The following GAREM1 variants were observed in gnomAD, a reference collection of about 807,000 sequenced individuals.
GAREM1 encodes GRB2-associated and regulator of MAPK protein 1.
A neutral mutation model predicts 71.3 loss-of-function variants in GAREM1; 26 were observed. The ratio of observed to expected loss-of-function variants is 0.36; its 90% CI spans 0.27 to 0.51. The LOEUF (loss-of-function observed/expected upper bound fraction) is 0.51, where lower values mean the gene tolerates loss of function less well. GAREM1 is among the 20% of genes least tolerant of loss of function. GAREM1 has a pLI of 0.95. For missense variants in GAREM1, 1,026 were observed against 1,103.1 expected (o/e 0.93, Z 0.99); for synonymous variants, 440 against 433.2 (o/e 1.02, Z -0.20).
At chr18:32,468,272 C>T (rs2049016770) in intron 1 of GAREM1, among the ~76,000 whole-genome samples, 1 of 152,076 alleles carries the variant, frequency 6.6e-6, no homozygotes, top group Non-Finnish European at 1.5e-5. Flanking sequence ...TAATAATGTC[C>T]ACAATAGGGG....
At chr18:32,366,682 A>T (rs1486379722) in intron 2 of GAREM1, among the ~76,000 whole-genome samples, 2 of 152,254 alleles carry the variant, frequency 1.3e-5, no homozygotes, top group Admixed American at 6.5e-5. Context: ...AACTCTGGTT[A>T]AAATCATTAA....
chr18:32,274,650 TGC>T (rs1203134711), intron 4 of GAREM1, among the ~76,000 whole-genome samples: 8 of 152,146 alleles, frequency 5.3e-5, no homozygotes, highest in Admixed American at 1.3e-4. Context: ...CGCAGGTCCA[TGC>T]AAAGTGGTGG....
intron 2 of GAREM1, among the ~76,000 whole-genome samples, chr18:32,320,807 A>G (rs2047421352): frequency 6.6e-6 from 1 of 152,228 alleles, no homozygotes; most frequent in Non-Finnish European, 1.5e-5. Flanking sequence ...AAATGGGAAG[A>G]CTGCATTTTT....
intron 2 of GAREM1, among the ~76,000 whole-genome samples, chr18:32,357,114 G>A (rs1230642967): frequency 1.3e-5 from 2 of 152,006 alleles, no homozygotes; most frequent in East Asian, 1.9e-4. Context: ...CACACACTCC[G>A]TTCCCTGTAC....
intron 1 of GAREM1, chr18:32,412,395 T>G: frequency 6.3e-7 from 1 of 1,586,762 alleles, no homozygotes; most frequent in Non-Finnish European, 8.5e-7. Context: ...GCCAAAATCA[T>G]TGTAGCTTCC....
Position 32,287,198 on chromosome 18 carries a change from G to A in GAREM1, c.1399C>T (p.Pro467Ser). Residue 467 changes from proline (P) to serine (S), a missense_variant, in exon 4 of 6, where the codon CCT becomes TCT. Physicochemically the swap from Pro to Ser is moderately conservative, Grantham distance 74 (BLOSUM62 -1). Transcript: ENST00000269209. The surrounding 1 kb of genome is among the most constrained non-coding windows in gnomAD (Gnocchi z 5.9). ...TTCTCGCTCAGAGAGCGAGTGAGAG[G>A]CTGATGGCTGGGCTTGCCTTCCTCC... ...WLEEGKPSHQ[P>S]LTRSLSEKNR... 6.2e-7 allele frequency: 1 copy of A among 1,614,246 alleles called. No individual in the cohort carries two copies. The highest frequency in any genetic ancestry group is 8.5e-7 in the Non-Finnish European group (1 of 1,180,048).
intron 5 of GAREM1, 78 bp downstream of exon 5, chr18:32,270,139 C>T (rs1598917182): frequency 6.3e-6 from 9 of 1,439,524 alleles, no homozygotes; most frequent in East Asian, 2.3e-5. Context: ...TTAGGGCTAC[C>T]GTGAAAATGC....
chr18:32,287,240 A>G lies in GAREM1; in HGVS notation c.1357T>C (p.Tyr453His), dbSNP rs1328943022. 1 of 1,614,204 alleles carries G rather than the reference A, an allele frequency of 6.2e-7. No homozygotes were observed. The highest frequency in any genetic ancestry group is 8.5e-7 in the Non-Finnish European group (1 of 1,180,034). Residue 453 changes from tyrosine to histidine, a missense_variant, in exon 4 of 6, where the codon TAC (tyrosine) becomes CAC (histidine). Physicochemically the swap from Tyr to His is moderately conservative, Grantham distance 83. This residue lies in a region of GAREM1 where 636 missense variants were observed against 631.2 expected (regional missense o/e 1.01). Coordinates refer to ENST00000269209, the MANE Select transcript of GAREM1 (RefSeq NM_001242409.2). The surrounding 1 kb of genome is among the most constrained non-coding windows in gnomAD (Gnocchi z 5.9). ...CCTTCCTCCAGCCACAGCTCTTCGT[A>G]GGGAAGTTCTGACTTTCCCGGGATG... Reference protein sequence around the residue: ...AGIPGKSELPYEELWLEEGKP... With the variant: ...AGIPGKSELPHEELWLEEGKP...
At chr18:32,401,118 T>C (rs1223104496) in intron 1 of GAREM1, among the ~76,000 whole-genome samples, 1 of 151,974 alleles carries the variant, frequency 6.6e-6, no homozygotes, top group Non-Finnish European at 1.5e-5. Context: ...AGGTAGGAAC[T>C]GAACAATGAG....
chr18:32,405,230 G>A (rs1298936404), intron 1 of GAREM1, among the ~76,000 whole-genome samples: 6 of 150,904 alleles, frequency 4.0e-5, no homozygotes, highest in Admixed American at 6.6e-5. Flanking sequence ...ACAGAATCTC[G>A]CTCTATCACC....
chr18:32,364,016 ATATATATATATGTTT>A (rs1191040110), intron 2 of GAREM1, among the ~76,000 whole-genome samples: 819 of 49,030 alleles, frequency 0.017, 37 homozygotes, highest in African/African-American at 0.098. Flanking sequence ...ATATATATAT[ATATATATATATGTTT>A]TTTTTTTTTT....
In GAREM1 at chr18:32,265,412, TC is replaced by T. The variant is rs2041359198; in HGVS notation, c.*2458del. 1 of 152,208 alleles carries T rather than the reference TC, an allele frequency of 6.6e-6. No homozygotes were observed. The highest frequency in any genetic ancestry group is 6.5e-5 in the Admixed American group (1 of 15,286). The allele number at this position is 152,208 out of a possible 1,614,324, so 9.4% of individuals were successfully genotyped here. ...TTTAAAGACAGGACACACGTAATTCTCCATATACCCAGCTGCCCATAGGACT... is the reference window on the plus strand; with the variant it reads ...TTTAAAGACAGGACACACGTAATTCTCATATACCCAGCTGCCCATAGGACT... On this transcript the variant is annotated 3_prime_UTR_variant, in exon 6 of 6. Coordinates refer to ENST00000269209, the MANE Select transcript of GAREM1 (RefSeq NM_001242409.2).
chr18:32,291,312 G>T (rs933601295), intron 3 of GAREM1, among the ~76,000 whole-genome samples: 7 of 120,600 alleles, frequency 5.8e-5, no homozygotes, highest in South Asian at 2.7e-4. Flanking sequence ...TTTTATTTTT[G>T]TTACCAAAAA....
At chr18:32,289,376 C>T (rs902256935) in intron 3 of GAREM1, among the ~76,000 whole-genome samples, 24 of 152,086 alleles carry the variant, frequency 1.6e-4, no homozygotes, top group Non-Finnish European at 4.4e-5. Context: ...TTCATGCTTA[C>T]CAGCATGAGA....
intron 2 of GAREM1, among the ~76,000 whole-genome samples, chr18:32,334,278 C>A (rs952000267): frequency 6.6e-6 from 1 of 152,024 alleles, no homozygotes; most frequent in Non-Finnish European, 1.5e-5. Flanking sequence ...GACGAGAAAG[C>A]CCAGAGGTAT....
At chr18:32,332,615 C>T (rs908223145) in intron 2 of GAREM1, among the ~76,000 whole-genome samples, 4 of 152,174 alleles carry the variant, frequency 2.6e-5, no homozygotes, top group Non-Finnish European at 5.9e-5. Context: ...CCTCTGCTCT[C>T]AGCACTTCAG....
rs146256069 is a variant in GAREM1, at chr18:32,334,880, A to G, written c.263-24557T>C. On this transcript the variant is annotated intron_variant, in intron 2 of 5. Transcript: ENST00000269209. ...TACGAGATATGTGGGCACCCTCAGG[A>G]GAGTTGACAAAAATATCTAGACACC... Among the ~76,000 whole-genome samples the G allele has an allele frequency of 2.6e-5, 4 of 152,176 alleles. No individual in the cohort carries two copies. In the East Asian group the frequency reaches 7.7e-4, roughly 29 times the overall value.
At chr18:32,362,434 T>C (rs1182259386) in intron 2 of GAREM1, among the ~76,000 whole-genome samples, 1 of 152,224 alleles carries the variant, frequency 6.6e-6, no homozygotes, top group African/African-American at 2.4e-5. Flanking sequence ...AATTACATAT[T>C]TTCCTTCGGT....
At chr18:32,421,308 T>C (rs1482201710) in intron 1 of GAREM1, among the ~76,000 whole-genome samples, 1 of 152,164 alleles carries the variant, frequency 6.6e-6, no homozygotes, top group African/African-American at 2.4e-5. Flanking sequence ...GCTAAAATGA[T>C]TGTCATTGTT....
Sources: gnomAD v4.1 joint callset for allele counts (sites outside exome capture counted in the v4.1 genomes callset) on GRCh38, gnomAD v4.1.1 for gene constraint, gnomAD v4.1.1 regional missense constraint, Gnocchi (gnomAD v3.1) non-coding constraint, MANE v1.5 for transcripts, NCBI Gene and HGNC (gene_info 2026-07-23, HGNC 2026-07-21) for gene names.